TPST2: variants seen among roughly 807,000 people sequenced by gnomAD.
TPST2 encodes the protein protein-tyrosine sulfotransferase 2.
A neutral mutation model predicts 27.8 loss-of-function variants in TPST2; 16 were observed. The observed-to-expected ratio is 0.58, with a 90% confidence interval of 0.39 to 0.88. The LOEUF is 0.88. Among genes scored for constraint, TPST2 ranks in the 40% least tolerant of loss-of-function variants. The pLI is 0.00. For synonymous variants in TPST2, 229 were observed against 231.7 expected, an observed-to-expected ratio of 0.99 and a Z score of 0.10; for missense variants, 464 against 543.1, an observed-to-expected ratio of 0.85 and a Z score of 1.45.
chr22:26,561,901 C>T (rs991157830), intron 1 of TPST2, among the ~76,000 whole-genome samples: 46 of 152,188 alleles, frequency 3.0e-4, no homozygotes, highest in African/African-American at 6.5e-4. Flanking sequence ...AACATCTTTG[C>T]CAAGGTCCTT....
chr22:26,556,621 G>A (rs1656779334), intron 1 of TPST2, among the ~76,000 whole-genome samples: 1 of 152,208 alleles, frequency 6.6e-6, no homozygotes. Flanking sequence ...TCACCTGGAG[G>A]AAATGTTAAA....
chr22:26,587,356 TCA>T (rs1351810533), intron 1 of TPST2, among the ~76,000 whole-genome samples: 4 of 152,176 alleles, frequency 2.6e-5, no homozygotes, highest in East Asian at 1.9e-4. Flanking sequence ...TTCGGTATTT[TCA>T]CAGAGTCTTG....
rs1205320878 is a variant in TPST2, at chr22:26,590,128, G to A, written c.-236C>T. 1 of 152,038 alleles carries A rather than the reference G, an allele frequency of 6.6e-6. No homozygotes were observed. The highest frequency in any genetic ancestry group is 2.4e-5 in the African/African-American group (1 of 41,426). 9.4% of individuals were successfully genotyped at this position (152,038 alleles called of 1,614,324 possible). A position where few individuals can be genotyped will look rare whatever the true frequency, so the allele number is the denominator to read the frequency against. Reference sequence around the variant, plus strand: ...TCCAGCCGCCCCAGCCGGGGAAGGGGGAGGTGCCCGCGCGGGGGCGGGGCC... The same window carrying A: ...TCCAGCCGCCCCAGCCGGGGAAGGGAGAGGTGCCCGCGCGGGGGCGGGGCC... On this transcript the variant is annotated 5_prime_UTR_variant, in exon 1 of 7. Transcript: ENST00000338754.
intron 5 of TPST2, 36 bp downstream of exon 5, chr22:26,532,657 GAA>G (rs1184769497): frequency 6.2e-7 from 1 of 1,607,318 alleles, no homozygotes; most frequent in East Asian, 2.2e-5. Context: ...GTATAGCTGA[GAA>G]AGACAGAATT....
At chr22:26,538,385 T>G (rs1186575011) in intron 3 of TPST2, among the ~76,000 whole-genome samples, 2 of 152,200 alleles carry the variant, frequency 1.3e-5, no homozygotes, top group African/African-American at 4.8e-5. Context: ...GGTGCAGAAA[T>G]GAGGTGGACA....
chr22:26,556,018 C>T (rs184965792), intron 1 of TPST2, among the ~76,000 whole-genome samples: 1 of 152,260 alleles, frequency 6.6e-6, no homozygotes, highest in East Asian at 1.9e-4. Flanking sequence ...AATCTATGGG[C>T]CCCTTCCCAG....
At chr22:26,565,925 T>C (rs779814959) in intron 1 of TPST2, among the ~76,000 whole-genome samples, 1 of 152,146 alleles carries the variant, frequency 6.6e-6, no homozygotes, top group Admixed American at 6.5e-5. Context: ...TTTCATAAAA[T>C]TGATAGTTGA....
intron 1 of TPST2, among the ~76,000 whole-genome samples, chr22:26,578,306 C>A (rs1203783028): frequency 6.6e-6 from 1 of 152,188 alleles, no homozygotes; most frequent in Non-Finnish European, 1.5e-5. Context: ...TGCTGCACCT[C>A]TACTACCCCA....
chr22:26,581,019 T>TACACACAC (rs10540036), intron 1 of TPST2, among the ~76,000 whole-genome samples: 2 of 120,168 alleles, frequency 1.7e-5, no homozygotes, highest in South Asian at 2.9e-4. Flanking sequence ...TCAACATACA[T>TACACACAC]ACACACACAC....
At chr22:26,586,841 T>C (rs1279875061) in intron 1 of TPST2, among the ~76,000 whole-genome samples, 1 of 151,998 alleles carries the variant, frequency 6.6e-6, no homozygotes, top group Admixed American at 6.6e-5. Flanking sequence ...CTGACCTGAG[T>C]TCTTCCGGTG....
rs935525477 is a variant in TPST2 at position 26,572,921 on chromosome 22, T to C, written c.-161+17132A>G. Among the ~76,000 whole-genome samples the C allele has an allele frequency of 5.3e-5, 8 of 152,272 alleles. No homozygotes were observed. In the South Asian group the frequency reaches 1.5e-3, roughly 28 times the overall value. On this transcript the variant is annotated intron_variant, in intron 1 of 6. Transcript: ENST00000338754. ...CAGGGAGTAGTGAAAAAAGAATGCG[T>C]TTTGCAGAAAGATGCGCCTGAGTTT...
In TPST2 at chr22:26,536,416, T is replaced by C; in HGVS notation, c.913A>G (p.Ile305Val). 1 of 1,585,696 alleles carries C rather than the reference T, an allele frequency of 6.3e-7. No individual in the cohort carries two copies. Among genetic ancestry groups the C allele is most frequent in the South Asian group, 1.1e-5 (1 of 87,392 alleles). ...LEALSKWTGH[I>V]PGDVVRDMAQ... is the part of the protein sequence containing the mutation. ...ATGTCCCGCACCACATCCCCAGGGA[T>C]GTGGCCAGTCCACTTGGAGAGCGCT... The change falls in exon 4 of 7, where the codon ATC becomes GTC. Residue 305 changes from isoleucine to valine, a missense_variant. By Grantham distance (29) the Ile-to-Val change is conservative. Coordinates refer to ENST00000338754, the MANE Select transcript of TPST2 (RefSeq NM_003595.5).
intron 1 of TPST2, among the ~76,000 whole-genome samples, chr22:26,585,825 C>A (rs1054374048): frequency 1.3e-5 from 2 of 152,150 alleles, no homozygotes; most frequent in African/African-American, 4.8e-5. Context: ...CCGAGGCGGG[C>A]GGATCACAAG....
chr22:26,563,551 A>G (rs1208173654), intron 1 of TPST2, among the ~76,000 whole-genome samples: 1 of 151,714 alleles, frequency 6.6e-6, no homozygotes, highest in Non-Finnish European at 1.5e-5. Context: ...GGATGGTCTC[A>G]ATCTCCTGAC....
rs775676072 is a variant in TPST2, at chr22:26,579,231, C to T, written c.-161+10822G>A. 8.5e-5 allele frequency among the ~76,000 whole-genome samples: 13 copies of T among 152,200 alleles called. No individual in the cohort carries two copies. The South Asian group carries it at 2.3e-3, about 27-fold the overall frequency. ...CCATCAAATATGCACTGCTGGTCTA[C>T]TGTGCACTTGAGCAAGGAATGACCA... On this transcript the variant is annotated intron_variant, in intron 1 of 6. Coordinates refer to ENST00000338754, the MANE Select transcript of TPST2 (RefSeq NM_003595.5).
rs1924790022 is a variant in TPST2 at position 26,525,701 on chromosome 22, TCTAC to T, written c.*570_*573del. On this transcript the variant is annotated 3_prime_UTR_variant, in exon 7 of 7. Coordinates refer to ENST00000338754, the MANE Select transcript of TPST2 (RefSeq NM_003595.5). ...TCTCCAGCTTTTTGCTCATCACAAA[TCTAC>T]CTGACAAAATCCAGTATGGAAAGAA... 1 of 152,128 alleles carries T rather than the reference TCTAC, an allele frequency of 6.6e-6. No homozygotes were observed. Among genetic ancestry groups the T allele is most frequent in the South Asian group, 2.1e-4 (1 of 4,816 alleles). The allele number at this position is 152,128 out of a possible 1,614,324, so 9.4% of individuals were successfully genotyped here.
In TPST2 at chr22:26,546,561, C is replaced by T. The variant is rs6005073; in HGVS notation, c.-160-1886G>A. On this transcript the variant is annotated intron_variant, in intron 1 of 6. Coordinates refer to ENST00000338754, the MANE Select transcript of TPST2 (RefSeq NM_003595.5). ...GCCATCCCCCTCCAGGGAACACAGG[C>T]CCTTTCAGAGCAATGGAACAGGGCT... Among the ~76,000 whole-genome samples the T allele has an allele frequency of 3.2e-3, 483 of 152,384 alleles. 1 individual carries two copies. Among genetic ancestry groups the T allele is most frequent in the African/African-American group, 0.011 (448 of 41,594 alleles).
At chr22:26,539,880 A>G (rs1240825701) in intron 3 of TPST2, among the ~76,000 whole-genome samples, 1 of 152,178 alleles carries the variant, frequency 6.6e-6, no homozygotes. Context: ...CTCCTCTGTG[A>G]GATTCAGTTT....
intron 1 of TPST2, among the ~76,000 whole-genome samples, chr22:26,579,996 G>C (rs994494121): frequency 6.6e-6 from 1 of 152,144 alleles, no homozygotes; most frequent in Non-Finnish European, 1.5e-5. Context: ...TGTAATCCCA[G>C]TACTTTGGGA....
Sources: gnomAD v4.1 joint callset for allele counts (sites outside exome capture counted in the v4.1 genomes callset) on GRCh38, gnomAD v4.1.1 for gene constraint, MANE v1.5 for transcripts, NCBI Gene and HGNC (gene_info 2026-07-23, HGNC 2026-07-21) for gene names.